The following CCNK variants were observed in gnomAD, a reference collection of about 807,000 sequenced individuals.
CCNK encodes the protein cyclin K, also known as cyclin-K.
CCNK carries 9 observed loss-of-function variants against 65.0 expected under a neutral mutation model. The observed-to-expected ratio is 0.14, with a 90% CI of 0.08 to 0.24. CCNK has a LOEUF of 0.24. Among genes scored for constraint, CCNK ranks in the 10% least tolerant of loss-of-function variants. The pLI, the probability that CCNK is intolerant of heterozygous loss-of-function variation, is 1.00. For synonymous variants in CCNK, 279 were observed against 270.8 expected, an observed-to-expected ratio of 1.03 and a Z score of -0.30; for missense variants, 474 against 720.0, an observed-to-expected ratio of 0.66 and a Z score of 3.91.
Position 99,510,851 on chromosome 14 carries a change from G to C in CCNK, c.*69G>C, listed in dbSNP as rs993662247. 6.2e-6 allele frequency: 8 copies of C among 1,297,528 alleles called. No homozygotes were observed. The African/African-American group carries it at 1.1e-4, about 17-fold the overall frequency. The allele number at this position is 1,297,528 out of a possible 1,614,324, so 80.4% of individuals were successfully genotyped here. ...AATCGACTTGCAGAGTAGTTGAAGT[G>C]GGTAAGCAGCAGGGTACCTTGTATA... On this transcript the variant is annotated 3_prime_UTR_variant, in exon 11 of 11. Transcript: ENST00000389879.
intron 1 of CCNK, among the ~76,000 whole-genome samples, chr14:99,489,399 C>T (rs1288538430): frequency 6.6e-6 from 1 of 152,156 alleles, no homozygotes; most frequent in Non-Finnish European, 1.5e-5. Flanking sequence ...GCCACTGTGG[C>T]TCATACCCAT....
intron 4 of CCNK, chr14:99,500,434 T>C (rs1325063993): frequency 1.0e-5 from 2 of 194,190 alleles, no homozygotes; most frequent in East Asian, 2.9e-4. Flanking sequence ...TGAAAGAAAT[T>C]ACAATTTAGT....
intron 9 of CCNK, chr14:99,504,101 G>C (rs1368799835): frequency 7.9e-6 from 3 of 379,322 alleles, no homozygotes; most frequent in Non-Finnish European, 1.6e-5. Flanking sequence ...AACACACTTG[G>C]GTTGAGGTGC....
Position 99,502,308 on chromosome 14 carries a change from C to T in CCNK, c.677C>T (p.Thr226Ile). 2 of 1,613,168 alleles carry T rather than the reference C, an allele frequency of 1.2e-6. No homozygotes were observed. Among genetic ancestry groups the T allele is most frequent in the Non-Finnish European group, 1.7e-6 (2 of 1,179,672 alleles). ...TGCAAATTTGAAATACAAGAATGGA[C>T]CTCCAAACCCATGTATAGGAGATGG... ...RLCKFEIQEW[T>I]SKPMYRRWWE... Residue 226 changes from threonine (T) to isoleucine (I), a missense_variant, in exon 7 of 11, where the codon ACC (threonine) becomes ATC (isoleucine). Coordinates refer to ENST00000389879, the MANE Select transcript of CCNK (RefSeq NM_001099402.2).
At chr14:99,496,641 C>T (rs1043128830) in intron 4 of CCNK, among the ~76,000 whole-genome samples, 1 of 151,630 alleles carries the variant, frequency 6.6e-6, no homozygotes, top group African/African-American at 2.4e-5. Context: ...ACCCGGGAGG[C>T]GGAGCTTGCA....
chr14:99,486,446 C>T lies in CCNK; in HGVS notation c.-53+4967C>T, dbSNP rs186238462. Among the ~76,000 whole-genome samples, 420 of 152,306 alleles carry T rather than the reference C, an allele frequency of 2.8e-3. 1 individual carries two copies. The highest frequency in any genetic ancestry group is 9.4e-3 in the African/African-American group (389 of 41,556). Reference sequence around the variant, plus strand: ...CTTCTTCACTCTCCATCCCTCCATCCGTCAACATGACTTTATAGTTATCAC... The same window carrying T: ...CTTCTTCACTCTCCATCCCTCCATCTGTCAACATGACTTTATAGTTATCAC... On this transcript the variant is annotated intron_variant, in intron 1 of 10. Transcript: ENST00000389879.
chr14:99,503,019 G>C, intron 8 of CCNK, 35 bp downstream of exon 8: 1 of 1,612,336 alleles, frequency 6.2e-7, no homozygotes, highest in Non-Finnish European at 8.5e-7. Flanking sequence ...GGTAGAGCAG[G>C]CTTTCCAGGT....
intron 9 of CCNK, chr14:99,504,864 G>A (rs1896935276): frequency 6.6e-6 from 1 of 152,284 alleles, no homozygotes; most frequent in Non-Finnish European, 1.5e-5. Context: ...AGGTCTGTCA[G>A]AGGCAGGAAA....
rs115364182 is a variant in CCNK, at chr14:99,484,194, A to G, written c.-53+2715A>G. ...GAAGGCAGTATCTTGGTATAAAGTAAGACTAGTTGTGATGCTGCTTGCTAG... is the reference window on the plus strand; with the variant it reads ...GAAGGCAGTATCTTGGTATAAAGTAGGACTAGTTGTGATGCTGCTTGCTAG... On this transcript the variant is annotated intron_variant, in intron 1 of 10. Coordinates refer to ENST00000389879, the MANE Select transcript of CCNK (RefSeq NM_001099402.2). Among the ~76,000 whole-genome samples, 1,103 of 152,348 alleles carry G rather than the reference A, an allele frequency of 7.2e-3. 9 individuals are homozygous for G. The highest frequency in any genetic ancestry group is 0.025 in the African/African-American group (1,020 of 41,576).
Position 99,511,690 on chromosome 14 carries a change from C to G in CCNK, c.*908C>G, listed in dbSNP as rs1417691970. 1 of 152,566 alleles carries G rather than the reference C, an allele frequency of 6.6e-6. No homozygotes were observed. The highest frequency in any genetic ancestry group is 1.5e-5 in the Non-Finnish European group (1 of 68,098). 9.5% of individuals were successfully genotyped at this position (152,566 alleles called of 1,614,324 possible). A position where few individuals can be genotyped will look rare whatever the true frequency, so the allele number is the denominator to read the frequency against. ...CCAAGGCACTCTGGGTGGATCCGCACAGCTGCCTGCCAAGCCAGCCTGCCC... is the reference window on the plus strand; with the variant it reads ...CCAAGGCACTCTGGGTGGATCCGCAGAGCTGCCTGCCAAGCCAGCCTGCCC... On this transcript the variant is annotated 3_prime_UTR_variant, in exon 11 of 11. Transcript: ENST00000389879.
chr14:99,497,917 A>G (rs1053576645), intron 4 of CCNK, among the ~76,000 whole-genome samples: 4 of 152,258 alleles, frequency 2.6e-5, no homozygotes, highest in African/African-American at 9.6e-5. Context: ...GCAGTTTTAT[A>G]GAAATAATTT....
chr14:99,493,444 GT>G (rs1361982720), intron 2 of CCNK, 69 bp from the exon 3 acceptor site: 2 of 917,910 alleles, frequency 2.2e-6, no homozygotes, highest in African/African-American at 3.4e-5. Flanking sequence ...TTGTCTTTTT[GT>G]TTTTCTACAT....
At chr14:99,482,810 C>T (rs961865724) in intron 1 of CCNK, among the ~76,000 whole-genome samples, 1 of 152,116 alleles carries the variant, frequency 6.6e-6, no homozygotes, top group Admixed American at 6.5e-5. Flanking sequence ...TAGCTGTGGC[C>T]TATAAAATGG....
At chr14:99,502,580 A>G (rs1444135276) in intron 7 of CCNK, 139 bp from the exon 8 acceptor site, 8 of 1,204,228 alleles carry the variant, frequency 6.6e-6, no homozygotes, top group Non-Finnish European at 9.3e-6. Flanking sequence ...CCAGTGTTGC[A>G]CACAACGAAG....
At chr14:99,508,028 G>T (rs570707171) in intron 10 of CCNK, 1 of 152,344 alleles carries the variant, frequency 6.6e-6, no homozygotes, top group South Asian at 2.1e-4. Flanking sequence ...AGGCTTCCAA[G>T]CCTCTGTCAG....
chr14:99,481,787 C>T (rs1338284159), intron 1 of CCNK, among the ~76,000 whole-genome samples: 1 of 152,182 alleles, frequency 6.6e-6, no homozygotes, highest in Non-Finnish European at 1.5e-5. Flanking sequence ...AAAGGGGCAG[C>T]GGTGTTAACC....
intron 6 of CCNK, 45 bp downstream of exon 6, chr14:99,501,458 G>T (rs1213748975): frequency 2.4e-6 from 3 of 1,268,336 alleles, no homozygotes; most frequent in Non-Finnish European, 3.4e-6. Context: ...TTTAAAATAG[G>T]CAGAGACTTT....
intron 1 of CCNK, 194 bp from the exon 2 acceptor site, chr14:99,492,432 T>G: frequency 2.5e-6 from 1 of 403,402 alleles, no homozygotes; most frequent in Non-Finnish European, 4.3e-6. Context: ...ATTTGAGATT[T>G]ATTAATATTA....
chr14:99,500,709 T>G, intron 4 of CCNK, 57 bp from the exon 5 acceptor site: 1 of 1,116,972 alleles, frequency 9.0e-7, no homozygotes, highest in Non-Finnish European at 1.3e-6. Flanking sequence ...ACTTTTGTAA[T>G]GCTGCTTGAG....
Sources: allele counts gnomAD v4.1 joint callset (sites outside exome capture counted in the v4.1 genomes callset), GRCh38; gene constraint gnomAD v4.1.1; transcripts MANE v1.5; gene names NCBI Gene and HGNC (gene_info 2026-07-23, HGNC 2026-07-21).